KREMEN1: variants seen among roughly 807,000 people sequenced by gnomAD.
KREMEN1 encodes kringle containing transmembrane protein 1, also known as kremen protein 1.
A neutral mutation model predicts 46.5 loss-of-function variants in KREMEN1; 30 were observed. The ratio of observed to expected loss-of-function variants is 0.65; its 90% CI spans 0.48 to 0.88. The LOEUF is 0.88. Among genes scored for constraint, KREMEN1 ranks in the 40% least tolerant of loss-of-function variants. The pLI is 0.00. For synonymous variants in KREMEN1, 214 were observed against 230.6 expected (o/e 0.93, Z 0.65); for missense variants, 533 against 596.9 (o/e 0.89, Z 1.11).
At chr22:29,167,362 G>T in exon 10 of KREMEN1, 1 of 501,488 alleles carries the variant, frequency 2.0e-6, no homozygotes, top group Non-Finnish European at 3.6e-6. Context: ...TCGTCTCTAA[G>T]AATAGAAAGA....
chr22:29,154,329 C>T (rs1291937025), intron 9 of KREMEN1: 1 of 152,220 alleles, frequency 6.6e-6, no homozygotes, highest in Non-Finnish European at 1.5e-5. Flanking sequence ...TTGACCTTTA[C>T]TTTCTTAGGG....
At chr22:29,125,801 G>A (rs1176781236) in intron 5 of KREMEN1, among the ~76,000 whole-genome samples, 1 of 150,686 alleles carries the variant, frequency 6.6e-6, no homozygotes, top group Non-Finnish European at 1.5e-5. Context: ...TTTTTTTTTA[G>A]GCATTTGGGA....
chr22:29,084,480 A>G (rs1391455648), intron 1 of KREMEN1, among the ~76,000 whole-genome samples: 1 of 152,186 alleles, frequency 6.6e-6, no homozygotes, highest in Non-Finnish European at 1.5e-5. Flanking sequence ...CAGGATGACT[A>G]TTCCTGGCAG....
At position 29,105,843 on chromosome 22, in the gene KREMEN1, G is replaced by A. The variant is rs144306199; in HGVS notation, c.352+6890G>A. ...GCCAGCAGTTGCACTTCTGCAATAC[G>A]TGTGGAACCTTAGGTCCATCTCAGC... On this transcript the variant is annotated intron_variant, in intron 3 of 8. Transcript: ENST00000400335. Among the ~76,000 whole-genome samples the A allele has an allele frequency of 2.3e-4, 35 of 152,228 alleles. No homozygotes were observed. In the East Asian group the frequency reaches 6.0e-3, roughly 26 times the overall value.
chr22:29,087,373 T>C (rs2037745721), intron 1 of KREMEN1, among the ~76,000 whole-genome samples: 1 of 152,266 alleles, frequency 6.6e-6, no homozygotes, highest in Admixed American at 6.5e-5. Context: ...GAGATCTAAC[T>C]AGTAATTCTA....
At chr22:29,099,230 A>C in intron 3 of KREMEN1, 1 of 327,690 alleles carries the variant, frequency 3.1e-6, no homozygotes, top group Non-Finnish European at 5.7e-6. Context: ...TCTTTCAGGT[A>C]TAGAGAGGGC....
chr22:29,151,199 G>A (rs2038912228), downstream of KREMEN1, among the ~76,000 whole-genome samples: 2 of 152,094 alleles, frequency 1.3e-5, no homozygotes, highest in South Asian at 4.2e-4. Flanking sequence ...GGGGTCCAGA[G>A]ACCCCCTGCC....
At chr22:29,131,538 ATATATATATATATATATATATATGTGTG>A (rs1166291096) in intron 5 of KREMEN1, among the ~76,000 whole-genome samples, 8 of 56,226 alleles carry the variant, frequency 1.4e-4, no homozygotes, top group South Asian at 1.3e-3. Context: ...ATATATATAT[ATATATATATATATATATATATATGTGTG>A]TGTGTGTGTG....
exon 10 of KREMEN1, chr22:29,167,911 C>T (rs145005057): frequency 2.6e-5 from 4 of 152,540 alleles, no homozygotes; most frequent in Non-Finnish European, 5.9e-5. Flanking sequence ...CATGGCAAGG[C>T]ACCCAGCAGA....
In KREMEN1 at chr22:29,137,663, T is replaced by G. The variant is rs747162074; in HGVS notation, c.953T>G (p.Val318Gly). 3.1e-6 allele frequency: 5 copies of G among 1,590,096 alleles called. No homozygotes were observed. Among genetic ancestry groups the G allele is most frequent in the Non-Finnish European group, 4.3e-6 (5 of 1,160,378 alleles). The part of the protein sequence containing the change: ...DRINQAQGFA[V>G]LYQAVKEELP... ...ATCAATCAGGCCCAGGGATTTGCTG[T>G]TTTATACCAAGGTAAGACATCTTTG... The change falls in exon 6 of 9, where the codon GTT becomes GGT. Residue 318 changes from valine to glycine, a missense_variant. Val to Gly is a moderately radical substitution (Grantham distance 109). Coordinates refer to ENST00000400335, the MANE Select transcript of KREMEN1 (RefSeq NM_001039570.3).
At chr22:29,140,086 G>T (rs1011093398) in intron 7 of KREMEN1, among the ~76,000 whole-genome samples, 196 bp from the exon 8 acceptor site, 15 of 152,296 alleles carry the variant, frequency 9.8e-5, no homozygotes, top group African/African-American at 3.6e-4. Context: ...TAGAACAAAG[G>T]GAAATATTCA....
chr22:29,160,042 C>G (rs551290694), intron 9 of KREMEN1, among the ~76,000 whole-genome samples: 26 of 152,254 alleles, frequency 1.7e-4, no homozygotes, highest in African/African-American at 6.3e-4. Context: ...CAGCACTTGA[C>G]CAATTGGACC....
At chr22:29,094,868 C>G (rs2037861039) in intron 2 of KREMEN1, among the ~76,000 whole-genome samples, 1 of 152,178 alleles carries the variant, frequency 6.6e-6, no homozygotes. Flanking sequence ...TTGTGATCCG[C>G]CCGCCTCAGC....
intron 2 of KREMEN1, 46 bp downstream of exon 2, chr22:29,094,466 A>G (rs1255986054): frequency 1.3e-6 from 2 of 1,526,594 alleles, no homozygotes; most frequent in African/African-American, 1.4e-5. Context: ...ATATATATCT[A>G]GTCTCTTCTT....
At chr22:29,141,265 G>C (rs2038757576) in intron 8 of KREMEN1, among the ~76,000 whole-genome samples, 1 of 150,146 alleles carries the variant, frequency 6.7e-6, no homozygotes, top group Non-Finnish European at 1.5e-5. Context: ...ATGTGCATGT[G>C]TGTGTGTGTG....
At chr22:29,107,873 T>C (rs977487380) in intron 3 of KREMEN1, among the ~76,000 whole-genome samples, 1 of 152,178 alleles carries the variant, frequency 6.6e-6, no homozygotes, top group Admixed American at 6.5e-5. Flanking sequence ...AGAGTGCTGA[T>C]GGAATTTATG....
chr22:29,101,014 G>T (rs899899776), intron 3 of KREMEN1, among the ~76,000 whole-genome samples: 2 of 152,210 alleles, frequency 1.3e-5, no homozygotes, highest in Admixed American at 1.3e-4. Flanking sequence ...GACTTTGGGA[G>T]GCTGAAGCGG....
At chr22:29,102,653 G>A (rs1259467376) in intron 3 of KREMEN1, among the ~76,000 whole-genome samples, 2 of 152,172 alleles carry the variant, frequency 1.3e-5, no homozygotes, top group South Asian at 4.1e-4. Flanking sequence ...GGTTCCAGAA[G>A]AAAGAATTAT....
intron 5 of KREMEN1, among the ~76,000 whole-genome samples, chr22:29,128,092 A>G (rs898133318): frequency 2.6e-5 from 4 of 152,194 alleles, no homozygotes; most frequent in Admixed American, 6.5e-5. Flanking sequence ...GGGGAAGAAT[A>G]TGGAGTGACT....
Sources: allele counts gnomAD v4.1 joint callset (sites outside exome capture counted in the v4.1 genomes callset), GRCh38; gene constraint gnomAD v4.1.1; transcripts MANE v1.5; gene names NCBI Gene and HGNC (gene_info 2026-07-23, HGNC 2026-07-21).